The following EFCAB6 variants were observed in gnomAD, a reference collection of about 807,000 sequenced individuals.
EFCAB6 encodes the protein EF-hand calcium binding domain 6, also known as EF-hand calcium-binding domain-containing protein 6.
Under a neutral mutation model 169.8 loss-of-function variants are expected in EFCAB6, and 156 were observed. That is an observed-to-expected ratio of 0.92 (90% CI 0.81 to 1.05). The LOEUF is 1.05. Ranked by LOEUF, EFCAB6 falls within the 50% of genes least tolerant of loss-of-function variation. The pLI is 0.00. For missense variants in EFCAB6, 1,800 were observed against 1,829.1 expected (o/e 0.98, Z 0.29); for synonymous variants, 698 against 676.4 (o/e 1.03, Z -0.50).
At chr22:43,663,510 T>C (rs375175107) in intron 17 of EFCAB6, among the ~76,000 whole-genome samples, 11 of 152,340 alleles carry the variant, frequency 7.2e-5, no homozygotes, top group East Asian at 3.8e-4. Flanking sequence ...AGCCTGACTG[T>C]TGAAAATCAC....
chr22:43,616,460 C>T (rs554831560), intron 20 of EFCAB6, among the ~76,000 whole-genome samples: 1 of 152,260 alleles, frequency 6.6e-6, no homozygotes, highest in South Asian at 2.1e-4. Context: ...GTCAGGACTT[C>T]GAGATCAGGC....
intron 3 of EFCAB6, among the ~76,000 whole-genome samples, chr22:43,777,212 G>A (rs2061668700): frequency 6.6e-6 from 1 of 152,192 alleles, no homozygotes; most frequent in Admixed American, 6.5e-5. Flanking sequence ...AGAACACGGG[G>A]GAGTCGAGAG....
chr22:43,605,764 G>T (rs1267145279), intron 22 of EFCAB6, among the ~76,000 whole-genome samples: 2 of 152,160 alleles, frequency 1.3e-5, no homozygotes, highest in South Asian at 4.2e-4. Context: ...TGGTGAAGAT[G>T]GTAAACTGCG....
chr22:43,534,717 T>A lies in EFCAB6; in HGVS notation c.4204A>T (p.Arg1402Trp), dbSNP rs780739579. The A allele has an allele frequency of 6.2e-7, 1 of 1,611,896 alleles. No homozygotes were observed. Among genetic ancestry groups the A allele is most frequent in the African/African-American group, 1.3e-5 (1 of 74,824 alleles). Residue 1402 changes from arginine (R) to tryptophan (W), a missense_variant, in exon 30 of 32, where the codon AGG (arginine) becomes TGG (tryptophan). Coordinates refer to ENST00000262726, the MANE Select transcript of EFCAB6 (RefSeq NM_022785.4). The stretch of plus-strand genomic sequence containing the variant: ...TTGTGTGCATTCTGGATCTTCATCC[T>A]GTGCATCAGTGAGCTTTCCTTTGCT... Reference protein sequence around the residue: ...LKAKESSLMHRMKIQNAHKMK... With the variant: ...LKAKESSLMHWMKIQNAHKMK...
chr22:43,735,710 CA>C, intron 7 of EFCAB6, 146 bp downstream of exon 7: 1 of 957,392 alleles, frequency 1.0e-6, no homozygotes, highest in South Asian at 1.7e-5. Flanking sequence ...AGAGAATGTC[CA>C]GTGAGTGCCT....
intron 11 of EFCAB6, among the ~76,000 whole-genome samples, chr22:43,686,269 C>T (rs538155126): frequency 5.6e-4 from 85 of 152,242 alleles, no homozygotes; most frequent in Non-Finnish European, 6.6e-4. Flanking sequence ...CGTGAGTCAC[C>T]GTGCCAGCCT....
At chr22:43,759,835 C>G (rs2061091347) in intron 5 of EFCAB6, 2 of 152,222 alleles carry the variant, frequency 1.3e-5, no homozygotes, top group South Asian at 2.1e-4. Flanking sequence ...AAGGCCAGGA[C>G]AGAAGAGATG....
intron 17 of EFCAB6, among the ~76,000 whole-genome samples, chr22:43,660,125 G>C (rs182884808): frequency 5.0e-4 from 76 of 152,332 alleles, no homozygotes; most frequent in African/African-American, 1.8e-3. Context: ...ATCAGACACA[G>C]ACAATTACAA....
intron 17 of EFCAB6, among the ~76,000 whole-genome samples, chr22:43,647,210 A>C (rs1336106261): frequency 6.6e-6 from 1 of 151,900 alleles, no homozygotes; most frequent in Non-Finnish European, 1.5e-5. Context: ...TGGGGGATGA[A>C]GGAATAACAC....
intron 1 of EFCAB6, among the ~76,000 whole-genome samples, chr22:43,810,858 T>C (rs1246708596): frequency 6.6e-6 from 1 of 152,158 alleles, no homozygotes; most frequent in Non-Finnish European, 1.5e-5. Context: ...GAGGCAAATA[T>C]CTTCACATAT....
At chr22:43,612,055 T>C (rs994507666) in intron 21 of EFCAB6, among the ~76,000 whole-genome samples, 1 of 152,184 alleles carries the variant, frequency 6.6e-6, no homozygotes, top group Admixed American at 6.5e-5. Context: ...AACCCAGCAA[T>C]GGAGAAAGGA....
chr22:43,626,937 A>G (rs1459854633), intron 19 of EFCAB6, among the ~76,000 whole-genome samples: 1 of 152,144 alleles, frequency 6.6e-6, no homozygotes, highest in East Asian at 1.9e-4. Flanking sequence ...GGAAAGGAAC[A>G]GGCCACTTTT....
chr22:43,564,630 T>G (rs1229930162), intron 26 of EFCAB6, among the ~76,000 whole-genome samples: 1 of 152,052 alleles, frequency 6.6e-6, no homozygotes, highest in Non-Finnish European at 1.5e-5. Flanking sequence ...TTAAGCCCAG[T>G]GCAAGAACTG....
At chr22:43,695,018 G>A (rs2058522529) in intron 10 of EFCAB6, among the ~76,000 whole-genome samples, 1 of 151,910 alleles carries the variant, frequency 6.6e-6, no homozygotes, top group African/African-American at 2.4e-5. Context: ...GTAAAATAAG[G>A]CTAGAAAACA....
chr22:43,529,279 G>A (rs1249964993), intron 31 of EFCAB6, among the ~76,000 whole-genome samples: 1 of 152,228 alleles, frequency 6.6e-6, no homozygotes, highest in Non-Finnish European at 1.5e-5. Context: ...GATCAGAGAG[G>A]TGGGGGCTCA....
intron 6 of EFCAB6, among the ~76,000 whole-genome samples, chr22:43,739,338 C>G (rs145933967): frequency 6.6e-6 from 1 of 152,204 alleles, no homozygotes; most frequent in Non-Finnish European, 1.5e-5. Context: ...AATGCTCTCT[C>G]TCCTTCTTCT....
Position 43,589,262 on chromosome 22 carries a change from CAG to C in EFCAB6, c.3032+810_3032+811del, listed in dbSNP as rs1172751161. 3.5e-5 allele frequency among the ~76,000 whole-genome samples: 4 copies of C among 113,484 alleles called. No homozygotes were observed. The East Asian group carries it at 9.4e-4, about 27-fold the overall frequency. The allele number at this position is 113,484 out of a possible 152,430, so 74.4% of individuals were successfully genotyped here. On this transcript the variant is annotated intron_variant, in intron 24 of 31. Coordinates refer to ENST00000262726, the MANE Select transcript of EFCAB6 (RefSeq NM_022785.4). ...TAACCCCGTGTTACCATCTGGGTAA[CAG>C]AGGGAGACTTCATGTCAAAAAAAAA...
chr22:43,790,239 G>A (rs2062234624), intron 2 of EFCAB6, among the ~76,000 whole-genome samples: 1 of 152,138 alleles, frequency 6.6e-6, no homozygotes, highest in Admixed American at 6.5e-5. Context: ...TAGAGCCTCA[G>A]CAATCCCACA....
intron 6 of EFCAB6, 120 bp from the exon 7 acceptor site, chr22:43,736,113 A>C: frequency 5.9e-6 from 6 of 1,020,880 alleles, no homozygotes; most frequent in Non-Finnish European, 8.0e-6. Context: ...TCAAAGACTC[A>C]CAGTGGTAGG....
Sources: gnomAD v4.1 joint callset for allele counts (sites outside exome capture counted in the v4.1 genomes callset) on GRCh38, gnomAD v4.1.1 for gene constraint, MANE v1.5 for transcripts, NCBI Gene and HGNC (gene_info 2026-07-23, HGNC 2026-07-21) for gene names.